Variants in ATXN7 observed in about 807,000 individuals in gnomAD.
ATXN7 encodes ataxin 7, also known as ataxin-7.
ATXN7 carries 12 observed loss-of-function variants against 70.5 expected under a neutral mutation model. The ratio of observed to expected loss-of-function variants is 0.17; its 90% CI spans 0.11 to 0.28. The LOEUF (loss-of-function observed/expected upper bound fraction) is 0.28. Ranked by LOEUF, ATXN7 falls within the 10% of genes least tolerant of loss-of-function variation. The probability of loss-of-function intolerance (pLI) is 1.00; values close to 1 mark genes in which losing one functional copy is unlikely to be tolerated. For missense variants in ATXN7, 1,256 were observed against 1,131.7 expected, an observed-to-expected ratio of 1.11 and a Z score of -1.58; for synonymous variants, 498 against 448.7, an observed-to-expected ratio of 1.11 and a Z score of -1.39.
chr3:63,888,474 T>C (rs1037542980), intron 1 of ATXN7, among the ~76,000 whole-genome samples: 1 of 152,166 alleles, frequency 6.6e-6, no homozygotes, highest in Non-Finnish European at 1.5e-5. Flanking sequence ...GATATAGAAC[T>C]ATTCTATCAC....
chr3:63,884,200 T>TGC (rs1361283270), intron 1 of ATXN7, among the ~76,000 whole-genome samples: 1 of 65,088 alleles, frequency 1.5e-5, no homozygotes, highest in Non-Finnish European at 3.1e-5. Flanking sequence ...GAAAATAACA[T>TGC]GCGCACACAC....
At chr3:63,997,471 T>C in intron 12 of ATXN7, 1 of 645,352 alleles carries the variant, frequency 1.5e-6, no homozygotes, top group Non-Finnish European at 2.7e-6. Flanking sequence ...GTTGTGGGAT[T>C]CATAATTAAC....
At chr3:63,884,095 GT>G (rs2107228792) in intron 1 of ATXN7, among the ~76,000 whole-genome samples, 1 of 152,106 alleles carries the variant, frequency 6.6e-6, no homozygotes, top group South Asian at 2.1e-4. Context: ...CCAGATCTTG[GT>G]TTCTAATACC....
intron 8 of ATXN7, among the ~76,000 whole-genome samples, chr3:63,983,746 A>G (rs192706735): frequency 2.6e-5 from 4 of 152,254 alleles, no homozygotes; most frequent in African/African-American, 4.8e-5. Flanking sequence ...ATATTTGCTG[A>G]AAAGTGTGGG....
intron 5 of ATXN7, among the ~76,000 whole-genome samples, chr3:63,975,618 A>T (rs958437108): frequency 6.6e-6 from 1 of 152,114 alleles, no homozygotes. Flanking sequence ...AGATCTAATT[A>T]TTTGCTTTGA....
chr3:63,932,765 G>T (rs188374855), intron 4 of ATXN7, among the ~76,000 whole-genome samples: 1 of 152,288 alleles, frequency 6.6e-6, no homozygotes, highest in East Asian at 1.9e-4. Flanking sequence ...TCATCTCTTA[G>T]ATCGGGGCTT....
chr3:63,908,198 C>G (rs1378738196), intron 2 of ATXN7, among the ~76,000 whole-genome samples: 5 of 152,122 alleles, frequency 3.3e-5, no homozygotes. Flanking sequence ...GCTATGAATT[C>G]CAGCCACTAA....
intron 5 of ATXN7, among the ~76,000 whole-genome samples, chr3:63,965,784 C>A (rs2075212137): frequency 1.3e-5 from 2 of 152,126 alleles, no homozygotes; most frequent in South Asian, 4.1e-4. Flanking sequence ...TTTGCTTAAA[C>A]ATTTTATTCA....
chr3:63,992,910 C>T (rs1431436518), intron 11 of ATXN7, among the ~76,000 whole-genome samples: 1 of 152,154 alleles, frequency 6.6e-6, no homozygotes, highest in African/African-American at 2.4e-5. Flanking sequence ...CTGGGGAGCT[C>T]AGCACTTCTC....
chr3:63,912,714 A>AGCAGCAGCAGCAGCG lies in ATXN7; in HGVS notation c.118_119insAGCAGCAGCAGCGGC (p.Gln39_Pro40insGlnGlnGlnGlnArg), dbSNP rs770364745. 8.2e-7 allele frequency: 1 copy of AGCAGCAGCAGCAGCG among 1,212,586 alleles called. No homozygotes were observed. Among genetic ancestry groups the AGCAGCAGCAGCAGCG allele is most frequent in the East Asian group, 4.1e-5 (1 of 24,552 alleles). 75.1% of individuals were successfully genotyped at this position (1,212,586 alleles called of 1,614,324 possible). A position where few individuals can be genotyped will look rare whatever the true frequency, so the allele number is the denominator to read the frequency against. On this transcript the variant is annotated inframe_insertion, in exon 3 of 13. Transcript: ENST00000674280. ...CAGCAGCAGCAGCAGCAGCAGCAGCAGCCGCCGCCTCCGCAGCCCCAGCGG... is the reference window on the plus strand; with the variant it reads ...CAGCAGCAGCAGCAGCAGCAGCAGCAGCAGCAGCAGCAGCGGCCGCCGCCTCCGCAGCCCCAGCGG...
At chr3:63,936,249 A>T (rs2074660414) in intron 4 of ATXN7, among the ~76,000 whole-genome samples, 1 of 152,090 alleles carries the variant, frequency 6.6e-6, no homozygotes, top group South Asian at 2.1e-4. Context: ...ATTTAATTAT[A>T]TGGATTTTTT....
chr3:63,916,467 T>C (rs148100960), intron 4 of ATXN7, among the ~76,000 whole-genome samples: 40 of 152,364 alleles, frequency 2.6e-4, no homozygotes, highest in Non-Finnish European at 4.8e-4. Context: ...CTAACCTCTC[T>C]GCCTGTTTTT....
rs371856622 is a variant in ATXN7 at position 63,982,982 on chromosome 3, C to T, written c.1056C>T (p.Leu352=). 67 of 1,613,866 alleles carry T rather than the reference C, an allele frequency of 4.2e-5. No individual in the cohort carries two copies. Among genetic ancestry groups the T allele is most frequent in the Non-Finnish European group, 5.3e-5 (62 of 1,180,002 alleles). ...DPDIHCGVID[L]DTKKPCTRSL... Reference sequence around the variant, plus strand: ...ACATCCACTGTGGGGTTATTGATCTCGACACCAAGAAGCCCTGCACCCGGT... The same window carrying T: ...ACATCCACTGTGGGGTTATTGATCTTGACACCAAGAAGCCCTGCACCCGGT... The change falls in exon 8 of 13, where the codon CTC becomes CTT. Residue 352 remains leucine, a synonymous_variant. Transcript: ENST00000674280.
upstream of ATXN7, chr3:63,863,419 C>T: frequency 9.2e-7 from 1 of 1,085,408 alleles, no homozygotes; most frequent in Non-Finnish European, 1.1e-6. Context: ...CGGACTCCCT[C>T]TGGTCCCACC....
chr3:63,992,705 A>C (rs2075691398), intron 11 of ATXN7, among the ~76,000 whole-genome samples: 1 of 152,102 alleles, frequency 6.6e-6, no homozygotes, highest in Non-Finnish European at 1.5e-5. Context: ...AAGGCTGCCT[A>C]CTTGCTTCCG....
intron 11 of ATXN7, 132 bp from the exon 12 acceptor site, chr3:63,995,373 G>A (rs2075740199): frequency 5.3e-6 from 5 of 948,254 alleles, no homozygotes; most frequent in East Asian, 2.6e-5. Flanking sequence ...GACAGGATTG[G>A]CTTTGTAGTT....
intron 4 of ATXN7, among the ~76,000 whole-genome samples, chr3:63,951,660 A>G (rs1193036447): frequency 1.3e-5 from 2 of 152,228 alleles, no homozygotes; most frequent in African/African-American, 4.8e-5. Context: ...TTTACCAGGT[A>G]TCAAGTTACT....
chr3:63,933,081 G>T (rs2074587438), intron 4 of ATXN7, among the ~76,000 whole-genome samples: 1 of 152,168 alleles, frequency 6.6e-6, no homozygotes, highest in Non-Finnish European at 1.5e-5. Context: ...AGTAAACTCA[G>T]ACAACTTAAG....
At chr3:63,970,799 C>T (rs533959673) in intron 5 of ATXN7, among the ~76,000 whole-genome samples, 18 of 152,318 alleles carry the variant, frequency 1.2e-4, no homozygotes, top group Non-Finnish European at 1.9e-4. Context: ...GATCTGTTCT[C>T]TTTCATGCAG....
Sources: allele counts gnomAD v4.1 joint callset (sites outside exome capture counted in the v4.1 genomes callset), GRCh38; gene constraint gnomAD v4.1.1; transcripts MANE v1.5; gene names NCBI Gene and HGNC (gene_info 2026-07-23, HGNC 2026-07-21).